The following C1orf185 variants were observed in gnomAD, a reference collection of about 807,000 sequenced individuals.
C1orf185 encodes the protein uncharacterized protein C1orf185.
A neutral mutation model predicts 16.1 loss-of-function variants in C1orf185; 13 were observed. The ratio of observed to expected loss-of-function variants is 0.81; its 90% CI spans 0.53 to 1.28. C1orf185 has a LOEUF of 1.28. Among genes scored for constraint, C1orf185 ranks in the 50% most tolerant of loss-of-function variants. The pLI, the probability that C1orf185 is intolerant of heterozygous loss-of-function variation, is 0.00. For missense variants in C1orf185, 220 were observed against 225.2 expected, an observed-to-expected ratio of 0.98 and a Z score of 0.15; for synonymous variants, 80 against 76.9, an observed-to-expected ratio of 1.04 and a Z score of -0.21.
chr1:51,122,641 A>G (rs1396452837), intron 3 of C1orf185, among the ~76,000 whole-genome samples: 2 of 152,208 alleles, frequency 1.3e-5, no homozygotes, highest in Non-Finnish European at 2.9e-5. Flanking sequence ...CACTTTTGGT[A>G]TTATGTAGTC....
intron 3 of C1orf185, among the ~76,000 whole-genome samples, chr1:51,131,719 A>G (rs577092498): frequency 6.6e-6 from 1 of 152,342 alleles, no homozygotes; most frequent in South Asian, 2.1e-4. Context: ...GTCTTTTACA[A>G]CTTTCTACAT....
intron 2 of C1orf185, among the ~76,000 whole-genome samples, chr1:51,112,954 G>A (rs1290740214): frequency 6.6e-6 from 1 of 151,838 alleles, no homozygotes; most frequent in Non-Finnish European, 1.5e-5. Flanking sequence ...TGGGTAGCTG[G>A]GATTACAGGT....
chr1:51,127,885 G>GTTTTTT (rs769457494), intron 3 of C1orf185, among the ~76,000 whole-genome samples: 12 of 115,306 alleles, frequency 1.0e-4, no homozygotes, highest in Non-Finnish European at 1.7e-4. Flanking sequence ...TCTTTTCTTT[G>GTTTTTT]TTTTTTTTTT....
chr1:51,113,368 TTATTAA>T lies in C1orf185; in HGVS notation c.122+818_122+823del, dbSNP rs374952190. On this transcript the variant is annotated intron_variant, in intron 2 of 4. Transcript: ENST00000371759. ...AAAATTTGCTGTTTCTAATTATTAA[TTATTAA>T]TATTAATATTAATATTAAATCATTT... Among the ~76,000 whole-genome samples, 156 of 151,682 alleles carry T rather than the reference TTATTAA, an allele frequency of 1.0e-3. 2 individuals are homozygous for T. The East Asian group carries it at 0.024, about 23-fold the overall frequency.
chr1:51,135,643 G>A (rs1646318470), intron 3 of C1orf185, among the ~76,000 whole-genome samples: 1 of 152,154 alleles, frequency 6.6e-6, no homozygotes. Flanking sequence ...ACTAGGTATT[G>A]AAGGAACATA....
chr1:51,103,006 C>T (rs1646042571), intron 1 of C1orf185, among the ~76,000 whole-genome samples: 1 of 151,786 alleles, frequency 6.6e-6, no homozygotes, highest in Non-Finnish European at 1.5e-5. Context: ...TTTAAATTTC[C>T]CCAAGCACAG....
intron 1 of C1orf185, among the ~76,000 whole-genome samples, chr1:51,108,199 C>T (rs1646087863): frequency 6.6e-6 from 1 of 152,154 alleles, no homozygotes; most frequent in African/African-American, 2.4e-5. Context: ...GTCATAGTAT[C>T]TCATTGTGGT....
chr1:51,119,876 A>G (rs1010989720), intron 3 of C1orf185, among the ~76,000 whole-genome samples: 6 of 152,200 alleles, frequency 3.9e-5, no homozygotes, highest in African/African-American at 1.4e-4. Context: ...CAAATAAGAT[A>G]TGAGCCCAGC....
chr1:51,123,629 G>A (rs1324394352), intron 3 of C1orf185, among the ~76,000 whole-genome samples: 4 of 152,200 alleles, frequency 2.6e-5, no homozygotes, highest in South Asian at 2.1e-4. Flanking sequence ...ATTTCCACCC[G>A]CAATGCATGA....
At chr1:51,151,273 C>T (rs1239604421), downstream of C1orf185, among the ~76,000 whole-genome samples, 3 of 152,074 alleles carry the variant, frequency 2.0e-5, no homozygotes, top group Non-Finnish European at 4.4e-5. Flanking sequence ...CCTATTTCTA[C>T]CAGTCAAGGT....
At chr1:51,108,952 T>C (rs1454818968) in intron 1 of C1orf185, among the ~76,000 whole-genome samples, 1 of 152,224 alleles carries the variant, frequency 6.6e-6, no homozygotes, top group Non-Finnish European at 1.5e-5. Flanking sequence ...GTGGAATTGC[T>C]GAATCACGTG....
In C1orf185 at chr1:51,118,689, T is replaced by G. The variant is rs934530548; in HGVS notation, c.146T>G (p.Phe49Cys). 6.3e-6 allele frequency: 9 copies of G among 1,427,488 alleles called. No homozygotes were observed. The highest frequency in any genetic ancestry group is 8.4e-6 in the Non-Finnish European group (9 of 1,075,298). The allele number at this position is 1,427,488 out of a possible 1,614,324, so 88.4% of individuals were successfully genotyped here. Residue 49 changes from phenylalanine to cysteine, a missense_variant, in exon 3 of 5, where the codon TTT becomes TGT. By Grantham distance (205) the Phe-to-Cys change is radical. Coordinates refer to ENST00000371759, the MANE Select transcript of C1orf185 (RefSeq NM_001136508.2). Reference protein sequence around the residue: ...KRREIFQNSKFKAIDERCRQR... With the variant: ...KRREIFQNSKCKAIDERCRQR... ...AGAGAAATATTTCAAAATTCCAAAT[T>G]TAAAGCAATTGATGAGAGATGCAGG... is the stretch of plus-strand genomic sequence containing the variant.
chr1:51,102,266 C>A lies in C1orf185; in HGVS notation c.16+17C>A. The stretch of plus-strand genomic sequence containing the variant: ...CACCTAAAGGTATGAGAAGCTGGGT[C>A]ATGTAGTCTAGCTTTTTGCCTGGGA... On this transcript the variant is annotated intron_variant, in intron 1 of 4. Coordinates refer to ENST00000371759, the MANE Select transcript of C1orf185 (RefSeq NM_001136508.2). 2.8e-6 allele frequency: 2 copies of A among 714,198 alleles called. No individual in the cohort carries two copies. The highest frequency in any genetic ancestry group is 3.0e-5 in the South Asian group (2 of 66,856). The allele number at this position is 714,198 out of a possible 1,614,324, so 44.2% of individuals were successfully genotyped here.
At chr1:51,143,632 A>G (rs542282567) in intron 3 of C1orf185, among the ~76,000 whole-genome samples, 1 of 147,362 alleles carries the variant, frequency 6.8e-6, no homozygotes, top group South Asian at 2.1e-4. Context: ...GCATTTAACT[A>G]TTTCCTTACT....
At chr1:51,117,399 G>A (rs1381679754) in intron 2 of C1orf185, among the ~76,000 whole-genome samples, 2 of 152,036 alleles carry the variant, frequency 1.3e-5, no homozygotes, top group African/African-American at 4.8e-5. Flanking sequence ...TTACATTAGG[G>A]TTCACTCTTG....
intron 3 of C1orf185, among the ~76,000 whole-genome samples, chr1:51,143,334 AT>A (rs1646379051): frequency 6.6e-6 from 1 of 152,132 alleles, no homozygotes; most frequent in Admixed American, 6.6e-5. Context: ...CACAATTGTC[AT>A]TTAGCTTTCT....
At chr1:51,150,553 C>CT (rs1646425626), downstream of C1orf185, among the ~76,000 whole-genome samples, 2 of 152,102 alleles carry the variant, frequency 1.3e-5, no homozygotes. Flanking sequence ...AATCTTACTC[C>CT]ATATCATAGG....
intron 4 of C1orf185, among the ~76,000 whole-genome samples, chr1:51,146,854 T>G (rs568179690): frequency 2.8e-4 from 43 of 152,280 alleles, no homozygotes; most frequent in African/African-American, 1.0e-3. Flanking sequence ...ATTATTGGTA[T>G]AAAGCCAATT....
In C1orf185 at chr1:51,147,614, T is replaced by C. The variant is rs757750030; in HGVS notation, c.443T>C (p.Ile148Thr). ...TCTGATTCTTATTACAGCCAAAGTATAGAAGCAGCTGATGACTGGTTTTCT... is the reference window on the plus strand; with the variant it reads ...TCTGATTCTTATTACAGCCAAAGTACAGAAGCAGCTGATGACTGGTTTTCT... ...LPSDSYYSQS[I>T]EAADDWFSDD... The change falls in exon 5 of 5, where the codon ATA becomes ACA. Residue 148 changes from isoleucine to threonine, a missense_variant. Ile to Thr is a moderately conservative substitution (Grantham distance 89). Coordinates refer to ENST00000371759, the MANE Select transcript of C1orf185 (RefSeq NM_001136508.2). 1.4e-5 allele frequency: 21 copies of C among 1,551,460 alleles called. No homozygotes were observed. Among genetic ancestry groups the C allele is most frequent in the South Asian group, 7.1e-5 (6 of 84,064 alleles).
Sources: gnomAD v4.1 joint callset for allele counts (sites outside exome capture counted in the v4.1 genomes callset) on GRCh38, gnomAD v4.1.1 for gene constraint, MANE v1.5 for transcripts, NCBI Gene and HGNC (gene_info 2026-07-23, HGNC 2026-07-21) for gene names.